The following VPS13A variants were observed in gnomAD, a reference collection of about 807,000 sequenced individuals.
VPS13A encodes the protein vacuolar protein sorting 13 homolog A.
Under a neutral mutation model 390.9 loss-of-function variants are expected in VPS13A, and 264 were observed. That is an observed-to-expected ratio of 0.68 (90% CI 0.61 to 0.75). VPS13A has a LOEUF of 0.75. Ranked by LOEUF, VPS13A falls within the 30% of genes least tolerant of loss-of-function variation. The pLI is 0.00. For synonymous variants in VPS13A, 1,231 were observed against 1,227.1 expected, an observed-to-expected ratio of 1.00 and a Z score of -0.07; for missense variants, 3,409 against 3,733.9, an observed-to-expected ratio of 0.91 and a Z score of 2.27.
chr9:77,273,723 A>G (rs1264592768), intron 24 of VPS13A, among the ~76,000 whole-genome samples: 2 of 152,186 alleles, frequency 1.3e-5, no homozygotes, highest in Non-Finnish European at 2.9e-5. Context: ...CAGAAAAAGT[A>G]TGGTACACAA....
At chr9:77,334,350 TTC>T (rs1284631433) in intron 46 of VPS13A, among the ~76,000 whole-genome samples, 1 of 152,188 alleles carries the variant, frequency 6.6e-6, no homozygotes, top group African/African-American at 2.4e-5. Context: ...TAATTTGATG[TTC>T]TGTTTCAAGA....
rs768615938 is a variant in VPS13A, at chr9:77,416,033, G to A, written c.*27G>A. The A allele has an allele frequency of 6.2e-7, 1 of 1,612,338 alleles. No individual in the cohort carries two copies. ...AGAGAACACTGCCTGAAGACACACAGCAATAAGTGATTACAGCTCCTAGAC... is the reference window on the plus strand; with the variant it reads ...AGAGAACACTGCCTGAAGACACACAACAATAAGTGATTACAGCTCCTAGAC... On this transcript the variant is annotated 3_prime_UTR_variant, in exon 72 of 72. Coordinates refer to ENST00000360280, the MANE Select transcript of VPS13A (RefSeq NM_033305.3).
In VPS13A at chr9:77,219,999, G is replaced by C; in HGVS notation, c.800G>C (p.Arg267Pro). 1 of 1,613,232 alleles carries C rather than the reference G, an allele frequency of 6.2e-7. No homozygotes were observed. The highest frequency in any genetic ancestry group is 8.5e-7 in the Non-Finnish European group (1 of 1,179,590). Reference sequence around the variant, plus strand: ...AATGCCAAACTTGTGATGAATCGCCGATCTGATTTTGACTTTTCTGCCCCC... The same window carrying C: ...AATGCCAAACTTGTGATGAATCGCCCATCTGATTTTGACTTTTCTGCCCCC... ...SANAKLVMNR[R>P]SDFDFSAPKI... Residue 267 changes from arginine to proline, a missense_variant, in exon 11 of 72, where the codon CGA becomes CCA. By Grantham distance (103) the Arg-to-Pro change is moderately radical. This residue lies in a region of VPS13A where 2,717 missense variants were observed against 2,917.4 expected (regional missense o/e 0.93). Transcript: ENST00000360280.
At position 77,410,556 on chromosome 9, in the gene VPS13A, A is replaced by G. The variant is rs58083679; in HGVS notation, c.9474+2949A>G. On this transcript the variant is annotated intron_variant, in intron 71 of 71. Coordinates refer to ENST00000360280, the MANE Select transcript of VPS13A (RefSeq NM_033305.3). ...GCTGTATTCAGGAAACCCACCTCAC[A>G]TGCAGAGACACACATAGGCTCAAAA... Among the ~76,000 whole-genome samples, 1,398 of 152,274 alleles carry G rather than the reference A, an allele frequency of 9.2e-3. 19 individuals carry two copies. The highest frequency in any genetic ancestry group is 0.032 in the African/African-American group (1,344 of 41,542).
chr9:77,362,197 T>C (rs1187779519), intron 59 of VPS13A, among the ~76,000 whole-genome samples: 3 of 152,186 alleles, frequency 2.0e-5, no homozygotes, highest in Non-Finnish European at 2.9e-5. Flanking sequence ...TTGTTGCTCA[T>C]GCTTTTGGTG....
At position 77,420,697 on chromosome 9, in the gene VPS13A, T is replaced by C. The variant is rs1399713296; in HGVS notation, c.*4691T>C. On this transcript the variant is annotated 3_prime_UTR_variant, in exon 72 of 72. Coordinates refer to ENST00000360280, the MANE Select transcript of VPS13A (RefSeq NM_033305.3). The stretch of plus-strand genomic sequence containing the variant: ...CTATTCATTTAGTGTTACTCTGATA[T>C]GTTAATAATGTATTCCTTCTAATGA... 6.6e-6 allele frequency: 1 copy of C among 152,236 alleles called. No homozygotes were observed. The highest frequency in any genetic ancestry group is 1.5e-5 in the Non-Finnish European group (1 of 68,028). The allele number at this position is 152,236 out of a possible 1,614,324, so 9.4% of individuals were successfully genotyped here.
intron 5 of VPS13A, among the ~76,000 whole-genome samples, chr9:77,208,816 C>T (rs1825816545): frequency 1.3e-5 from 2 of 152,230 alleles, no homozygotes; most frequent in African/African-American, 4.8e-5. Flanking sequence ...TCCCAGAGTG[C>T]TGGGATTACA....
intron 5 of VPS13A, among the ~76,000 whole-genome samples, chr9:77,207,228 T>TAC (rs1564630188): frequency 1.1e-5 from 1 of 93,360 alleles, no homozygotes; most frequent in Non-Finnish European, 2.3e-5. Flanking sequence ...TATATATATA[T>TAC]ATATATATAT....
In VPS13A at chr9:77,205,603, T is replaced by A. The variant is rs774411515; in HGVS notation, c.283+195T>A. On this transcript the variant is annotated intron_variant, in intron 4 of 71. Transcript: ENST00000360280. ...TATTTATTATTTATTTATTATTATT[T>A]TTTTTTAAGATGGAGTCTCGCACTG... Among the ~76,000 whole-genome samples the A allele has an allele frequency of 3.0e-4, 46 of 152,106 alleles. 1 individual carries two copies. The highest frequency in any genetic ancestry group is 8.3e-4 in the South Asian group (4 of 4,824).
chr9:77,225,946 T>A lies in VPS13A; in HGVS notation c.1182T>A (p.Asp394Glu). ...TTCAGGAGTTGGAAAAAACCTTGGA[T>A]GTCTTTAATATAACTATAGCTAGAC... is the stretch of plus-strand genomic sequence containing the variant. ...VSLEELEKTL[D>E]VFNITIARQT... Residue 394 changes from aspartate (D) to glutamate (E), a missense_variant, in exon 14 of 72, where the codon GAT (aspartate) becomes GAA (glutamate). Transcript: ENST00000360280. 6.2e-7 allele frequency: 1 copy of A among 1,612,128 alleles called. No individual in the cohort carries two copies. The highest frequency in any genetic ancestry group is 8.5e-7 in the Non-Finnish European group (1 of 1,179,096).
chr9:77,400,155 A>G (rs61306228), intron 68 of VPS13A, among the ~76,000 whole-genome samples: 5,800 of 147,114 alleles, frequency 0.039, 319 homozygotes, highest in African/African-American at 0.12. Flanking sequence ...CTCAGAGGGT[A>G]TGTTTAATTG....
At chr9:77,197,521 G>GTT (rs1825074588) in intron 1 of VPS13A, among the ~76,000 whole-genome samples, 1 of 151,948 alleles carries the variant, frequency 6.6e-6, no homozygotes, top group Non-Finnish European at 1.5e-5. Context: ...GCCCTTCTTT[G>GTT]TTTTTTGTAA....
rs74669369 is a variant in VPS13A at position 77,198,406 on chromosome 9, C to T, written c.101-1539C>T. Among the ~76,000 whole-genome samples, 5 of 152,250 alleles carry T rather than the reference C, an allele frequency of 3.3e-5. No homozygotes were observed. In the East Asian group the frequency reaches 9.7e-4, roughly 29 times the overall value. On this transcript the variant is annotated intron_variant, in intron 1 of 71. Coordinates refer to ENST00000360280, the MANE Select transcript of VPS13A (RefSeq NM_033305.3). ...ACATTTTCACCATGTACCATGTGGT[C>T]TATAGGTACCTTTTTGCATTGGTAA...
intron 53 of VPS13A, among the ~76,000 whole-genome samples, chr9:77,352,198 A>G (rs1372329736): frequency 6.6e-6 from 1 of 152,238 alleles, no homozygotes; most frequent in Admixed American, 6.5e-5. Context: ...AAACAAACTT[A>G]TTTCTGAGTG....
intron 68 of VPS13A, among the ~76,000 whole-genome samples, chr9:77,395,236 A>G (rs1283010052): frequency 1.3e-5 from 2 of 152,160 alleles, no homozygotes; most frequent in African/African-American, 4.8e-5. Context: ...CTTAGAGGTC[A>G]TTGTAGGGCT....
At chr9:77,256,681 A>T (rs907687033) in intron 22 of VPS13A, among the ~76,000 whole-genome samples, 1 of 152,106 alleles carries the variant, frequency 6.6e-6, no homozygotes, top group South Asian at 2.1e-4. Flanking sequence ...TGTTTGGCAC[A>T]TATATGTTTA....
At chr9:77,351,175 A>T in intron 52 of VPS13A, 142 bp from the exon 53 acceptor site, 1 of 1,047,520 alleles carries the variant, frequency 9.5e-7, no homozygotes, top group Non-Finnish European at 1.4e-6. Context: ...TAATTGTATA[A>T]GGTAAGAATT....
chr9:77,319,325 C>G (rs1216640026), intron 41 of VPS13A, among the ~76,000 whole-genome samples: 2 of 150,902 alleles, frequency 1.3e-5, no homozygotes, highest in East Asian at 3.9e-4. Context: ...GAAATATATG[C>G]CTTATACTTT....
At chr9:77,349,242 C>G (rs1831325161) in intron 52 of VPS13A, among the ~76,000 whole-genome samples, 1 of 152,016 alleles carries the variant, frequency 6.6e-6, no homozygotes, top group African/African-American at 2.4e-5. Flanking sequence ...CCTTATGTAT[C>G]TCTCACATTT....
Sources: allele counts gnomAD v4.1 joint callset (sites outside exome capture counted in the v4.1 genomes callset), GRCh38; gene constraint gnomAD v4.1.1; regional missense constraint gnomAD v4.1.1; transcripts MANE v1.5; gene names NCBI Gene and HGNC (gene_info 2026-07-23, HGNC 2026-07-21).